PRDM5: variants seen among roughly 807,000 people sequenced by gnomAD.
The protein encoded by PRDM5 is PR domain zinc finger protein 5.
Under a neutral mutation model 81.2 loss-of-function variants are expected in PRDM5, and 56 were observed. The observed-to-expected ratio is 0.69, with a 90% CI of 0.56 to 0.86. PRDM5 has a LOEUF of 0.86. PRDM5 is among the 40% of genes least tolerant of loss of function. The pLI, the probability that PRDM5 is intolerant of heterozygous loss-of-function variation, is 0.00. For synonymous variants in PRDM5, 267 were observed against 256.4 expected, an observed-to-expected ratio of 1.04 and a Z score of -0.39; for missense variants, 697 against 770.1, an observed-to-expected ratio of 0.91 and a Z score of 1.12.
intron 14 of PRDM5, among the ~76,000 whole-genome samples, chr4:120,717,195 C>T (rs1397263978): frequency 6.6e-6 from 1 of 151,978 alleles, no homozygotes; most frequent in African/African-American, 2.4e-5. Context: ...AATTCTGTTT[C>T]TGAATGATTA....
chr4:120,873,817 T>C (rs1033523317), intron 2 of PRDM5, among the ~76,000 whole-genome samples: 18 of 152,218 alleles, frequency 1.2e-4, no homozygotes, highest in African/African-American at 3.6e-4. Context: ...AGAAAGTTTC[T>C]GCAAGAAAAG....
At chr4:120,874,901 AG>A (rs765832358) in intron 2 of PRDM5, among the ~76,000 whole-genome samples, 41 of 152,334 alleles carry the variant, frequency 2.7e-4, no homozygotes, top group South Asian at 6.2e-4. Context: ...CTGCTCAGGA[AG>A]CAATTGTAGC....
chr4:120,858,857 A>G (rs1760216329), intron 2 of PRDM5, among the ~76,000 whole-genome samples: 1 of 152,246 alleles, frequency 6.6e-6, no homozygotes, highest in African/African-American at 2.4e-5. Flanking sequence ...TTAAATTTCA[A>G]GTGGAAGAAA....
chr4:120,776,167 A>T (rs72678319), intron 13 of PRDM5, among the ~76,000 whole-genome samples: 8,107 of 152,242 alleles, frequency 0.053, 347 homozygotes, highest in Middle Eastern at 0.15. Context: ...CCATTATTCC[A>T]CAGCTATCTG....
intron 1 of PRDM5, among the ~76,000 whole-genome samples, chr4:120,911,811 T>C (rs1435111771): frequency 6.6e-6 from 1 of 152,180 alleles, no homozygotes; most frequent in African/African-American, 2.4e-5. Flanking sequence ...GGATAACTGA[T>C]TGAAACACAT....
chr4:120,896,348 T>C (rs1471802797), intron 2 of PRDM5: 2 of 152,204 alleles, frequency 1.3e-5, no homozygotes. Context: ...CGAGGAACTT[T>C]ATTTTAAAAT....
chr4:120,703,433 T>G, intron 15 of PRDM5, among the ~76,000 whole-genome samples: 1 of 152,120 alleles, frequency 6.6e-6, no homozygotes, highest in East Asian at 1.9e-4. Flanking sequence ...TAAACGATCC[T>G]CCTGCCTCGG....
chr4:120,839,200 CA>C lies in PRDM5; in HGVS notation c.300+14217del, dbSNP rs1561447663. 5 of 701,190 alleles carry C rather than the reference CA, an allele frequency of 7.1e-6. No individual in the cohort carries two copies. The South Asian group carries it at 7.4e-5, about 10-fold the overall frequency. The allele number at this position is 701,190 out of a possible 1,614,324, so 43.4% of individuals were successfully genotyped here. A position where few individuals can be genotyped will look rare whatever the true frequency, so the allele number is the denominator to read the frequency against. On this transcript the variant is annotated intron_variant, in intron 3 of 15. Transcript: ENST00000264808. ...TTCTCTTCACTCGCAATGTGGCAAGCAAGGAGCAGGTCTCAGTCTTGTCTGT... is the reference window on the plus strand; with the variant it reads ...TTCTCTTCACTCGCAATGTGGCAAGCAGGAGCAGGTCTCAGTCTTGTCTGT...
At chr4:120,873,331 G>A (rs1762028324) in intron 2 of PRDM5, among the ~76,000 whole-genome samples, 1 of 152,134 alleles carries the variant, frequency 6.6e-6, no homozygotes, top group Admixed American at 6.6e-5. Flanking sequence ...GAAAAAAACA[G>A]TATCTATCCC....
In PRDM5 at chr4:120,907,933, C is replaced by G. The variant is rs558578242; in HGVS notation, c.94-376G>C. Among the ~76,000 whole-genome samples, 6 of 152,338 alleles carry G rather than the reference C, an allele frequency of 3.9e-5. No individual in the cohort carries two copies. In the South Asian group the frequency reaches 1.2e-3, roughly 32 times the overall value. ...GACAAGCCCACCAGGCAGAAAATCA[C>G]CTGGTTTCCATAAAAATCATAAATT... On this transcript the variant is annotated intron_variant, in intron 1 of 15. Transcript: ENST00000264808.
Position 120,706,846 on chromosome 4 carries a change from G to A in PRDM5, c.1728+3463C>T, listed in dbSNP as rs1736240742. On this transcript the variant is annotated intron_variant, in intron 15 of 15. Transcript: ENST00000264808. ...CCATGATTAAATGAACAAACTTCTAGAAACACACAGCAATTACCAAAACTG... is the reference window on the plus strand; with the variant it reads ...CCATGATTAAATGAACAAACTTCTAAAAACACACAGCAATTACCAAAACTG... Among the ~76,000 whole-genome samples, 4 of 149,400 alleles carry A rather than the reference G, an allele frequency of 2.7e-5. No individual in the cohort carries two copies. In the South Asian group the frequency reaches 6.3e-4, roughly 24 times the overall value.
chr4:120,830,171 T>C (rs149825206), intron 3 of PRDM5, among the ~76,000 whole-genome samples: 8 of 152,182 alleles, frequency 5.3e-5, no homozygotes, highest in Admixed American at 2.0e-4. Flanking sequence ...AGGATTCCTG[T>C]TTATTCACTC....
rs1029330084 is a variant in PRDM5, at chr4:120,787,262, C to G, written c.1189-2171G>C. On this transcript the variant is annotated intron_variant, in intron 10 of 15. Coordinates refer to ENST00000264808, the MANE Select transcript of PRDM5 (RefSeq NM_018699.4). ...ACCTAGTCAAGAAACATCACGGAAG[C>G]CAGTGTGGTTGGAGCCATGTGAAAT... Among the ~76,000 whole-genome samples, 52 of 151,964 alleles carry G rather than the reference C, an allele frequency of 3.4e-4. 1 individual carries two copies. The highest frequency in any genetic ancestry group is 1.0e-3 in the African/African-American group (43 of 41,370).
chr4:120,732,312 TACTC>T (rs1228688601), intron 14 of PRDM5, among the ~76,000 whole-genome samples: 1 of 152,218 alleles, frequency 6.6e-6, no homozygotes, highest in African/African-American at 2.4e-5. Context: ...AATAAAAAGT[TACTC>T]ATTCTAAAAT....
intron 3 of PRDM5, among the ~76,000 whole-genome samples, chr4:120,835,396 A>T (rs1390868065): frequency 6.6e-6 from 1 of 152,230 alleles, no homozygotes; most frequent in Non-Finnish European, 1.5e-5. Context: ...GTGTGCATGC[A>T]TGTACACACA....
At chr4:120,809,257 G>A (rs546937410) in intron 8 of PRDM5, among the ~76,000 whole-genome samples, 3 of 138,952 alleles carry the variant, frequency 2.2e-5, no homozygotes, top group African/African-American at 2.6e-5. Context: ...GTGAGGGGAG[G>A]GGGGAGGGAT....
At chr4:120,910,095 A>G (rs1726552389) in intron 1 of PRDM5, among the ~76,000 whole-genome samples, 1 of 151,860 alleles carries the variant, frequency 6.6e-6, no homozygotes, top group African/African-American at 2.4e-5. Context: ...GTTTTGACCC[A>G]CTAAATTAAT....
intron 14 of PRDM5, among the ~76,000 whole-genome samples, chr4:120,726,780 G>C (rs72676387): frequency 0.04 from 6,079 of 152,182 alleles, 259 homozygotes; most frequent in Middle Eastern, 0.13. Context: ...GACACAAATG[G>C]GGGTGGGATG....
At chr4:120,899,171 T>C (rs150479521) in intron 2 of PRDM5, among the ~76,000 whole-genome samples, 1 of 152,276 alleles carries the variant, frequency 6.6e-6, no homozygotes, top group Non-Finnish European at 1.5e-5. Flanking sequence ...GGTCTGATAC[T>C]TACTTTGGTT....
Sources: gnomAD v4.1 joint callset for allele counts (sites outside exome capture counted in the v4.1 genomes callset) on GRCh38, gnomAD v4.1.1 for gene constraint, MANE v1.5 for transcripts, NCBI Gene and HGNC (gene_info 2026-07-23, HGNC 2026-07-21) for gene names.